The following ABLIM1 variants were observed in gnomAD, a reference collection of about 807,000 sequenced individuals.
The protein encoded by ABLIM1 is actin-binding LIM protein 1.
A neutral mutation model predicts 107.0 loss-of-function variants in ABLIM1; 40 were observed. That is an observed-to-expected ratio of 0.37 (90% confidence interval 0.29 to 0.49). The LOEUF is 0.49. Ranked by LOEUF, ABLIM1 falls within the 20% of genes least tolerant of loss-of-function variation. The pLI is 0.97. For synonymous variants in ABLIM1, 357 were observed against 357.3 expected, an observed-to-expected ratio of 1.00 and a Z score of 0.01; for missense variants, 857 against 1,008.5, an observed-to-expected ratio of 0.85 and a Z score of 2.04.
intron 1 of ABLIM1, among the ~76,000 whole-genome samples, chr10:114,701,622 G>A (rs1001759744): frequency 2.0e-5 from 3 of 152,092 alleles, no homozygotes; most frequent in Admixed American, 6.6e-5. Flanking sequence ...CAAAATGGAG[G>A]CATCACACAG....
At chr10:114,454,987 T>G (rs1161498435) in intron 12 of ABLIM1, among the ~76,000 whole-genome samples, 3 of 152,242 alleles carry the variant, frequency 2.0e-5, no homozygotes, top group Admixed American at 6.5e-5. Flanking sequence ...TATTTATCTA[T>G]TAACACTAAT....
the ABLIM1 span, among the ~76,000 whole-genome samples, chr10:114,782,573 C>T: frequency 6.6e-6 from 1 of 152,192 alleles, no homozygotes; most frequent in East Asian, 1.9e-4. Flanking sequence ...AAGCAGAGAC[C>T]AGTTCGAAAA....
At chr10:114,439,607 A>G (rs571593345) in intron 20 of ABLIM1, 1 of 386,980 alleles carries the variant, frequency 2.6e-6, no homozygotes, top group South Asian at 2.9e-5. Context: ...CTTATTCTCC[A>G]TCACATTTCT....
chr10:114,694,404 G>A (rs1456355166), intron 1 of ABLIM1, among the ~76,000 whole-genome samples: 1 of 152,110 alleles, frequency 6.6e-6, no homozygotes, highest in Non-Finnish European at 1.5e-5. Flanking sequence ...AACCTAAAGG[G>A]GCATAACAAA....
chr10:114,662,147 T>C (rs2079822327), upstream of ABLIM1, among the ~76,000 whole-genome samples: 2 of 152,318 alleles, frequency 1.3e-5, no homozygotes, highest in South Asian at 4.1e-4. Flanking sequence ...CACCTTACGA[T>C]GCCAATATTT....
At chr10:114,655,891 GC>G (rs2079487147) in intron 1 of ABLIM1, among the ~76,000 whole-genome samples, 1 of 152,208 alleles carries the variant, frequency 6.6e-6, no homozygotes, top group Non-Finnish European at 1.5e-5. Context: ...GCACTGATCT[GC>G]TTGTCAGCCC....
chr10:114,531,943 T>A (rs1301095555), intron 6 of ABLIM1, among the ~76,000 whole-genome samples: 1 of 152,144 alleles, frequency 6.6e-6, no homozygotes, highest in Non-Finnish European at 1.5e-5. Flanking sequence ...GCCTCCTGAG[T>A]AGCTAGGATT....
chr10:114,484,752 TCTC>T (rs1490761808), intron 8 of ABLIM1, among the ~76,000 whole-genome samples: 2 of 152,046 alleles, frequency 1.3e-5, no homozygotes, highest in East Asian at 3.9e-4. Context: ...ACACTTCACA[TCTC>T]CTCATCAGGT....
chr10:114,625,368 G>A (rs533812842), intron 1 of ABLIM1, among the ~76,000 whole-genome samples: 1 of 152,290 alleles, frequency 6.6e-6, no homozygotes, highest in South Asian at 2.1e-4. Context: ...GCATCTGAGT[G>A]GGTGGTGTCT....
chr10:114,751,748 CAAAA>C (rs34322728), intron 1 of ABLIM1, among the ~76,000 whole-genome samples: 1 of 118,324 alleles, frequency 8.5e-6, no homozygotes, highest in Admixed American at 8.9e-5. Flanking sequence ...GACTCTGTCT[CAAAA>C]AAAAAAAAAA....
rs2138744219 is a variant in ABLIM1, at chr10:114,431,783, G to C, written c.*4477C>G. ...TCAATTACACTAAGCTTCAGAAATT[G>C]TTGGATTTGTTTAATTTTGCTGTGT... On this transcript the variant is annotated 3_prime_UTR_variant, in exon 23 of 23. Transcript: ENST00000533213. 1 of 152,266 alleles carries C rather than the reference G, an allele frequency of 6.6e-6. No homozygotes were observed. Among genetic ancestry groups the C allele is most frequent in the African/African-American group, 2.4e-5 (1 of 41,554 alleles). 9.4% of individuals were successfully genotyped at this position (152,266 alleles called of 1,614,324 possible). A position where few individuals can be genotyped will look rare whatever the true frequency, so the allele number is the denominator to read the frequency against.
At chr10:114,775,913 A>T in the ABLIM1 span, 1 of 152,220 alleles carries the variant, frequency 6.6e-6, no homozygotes, top group Non-Finnish European at 1.5e-5. Context: ...TCCTGATGGG[A>T]TTACATTAAC....
chr10:114,734,533 C>T (rs138443434), intron 1 of ABLIM1, among the ~76,000 whole-genome samples: 2 of 152,282 alleles, frequency 1.3e-5, no homozygotes, highest in African/African-American at 2.4e-5. Flanking sequence ...CCCCAATCCT[C>T]CTTCTCTGGA....
In ABLIM1 at chr10:114,630,889, T is replaced by A. The variant is rs77719648; in HGVS notation, c.244+27068A>T. 5.5e-3 allele frequency among the ~76,000 whole-genome samples: 842 copies of A among 152,200 alleles called. 10 individuals carry two copies. The highest frequency in any genetic ancestry group is 0.019 in the African/African-American group (791 of 41,532). On this transcript the variant is annotated intron_variant, in intron 1 of 22. Coordinates refer to ENST00000533213, the MANE Select transcript of ABLIM1 (RefSeq NM_002313.7). ...TCATTTGGTGAAGGTCCCTAAGACA[T>A]AATAAAAGAGAAAAAAATAAGTTAC...
rs78029350 is a variant in ABLIM1, at chr10:114,479,846, T to C, written c.1042-5890A>G. Among the ~76,000 whole-genome samples, 1,146 of 152,386 alleles carry C rather than the reference T, an allele frequency of 7.5e-3. 40 individuals are homozygous for C. In the East Asian group the frequency reaches 0.089, roughly 12 times the overall value. Reference sequence around the variant, plus strand: ...TGAAACATCTAGAATTCCAAACATGTTGAATTTCAAATTAACATCTTGTTT... The same window carrying C: ...TGAAACATCTAGAATTCCAAACATGCTGAATTTCAAATTAACATCTTGTTT... On this transcript the variant is annotated intron_variant, in intron 8 of 22. Transcript: ENST00000533213.
At chr10:114,676,843 C>T (rs2080507766) in intron 1 of ABLIM1, among the ~76,000 whole-genome samples, 1 of 152,204 alleles carries the variant, frequency 6.6e-6, no homozygotes, top group South Asian at 2.1e-4. Context: ...TCAAGCGATT[C>T]TCCTGCCTCA....
intron 6 of ABLIM1, among the ~76,000 whole-genome samples, chr10:114,501,498 C>T (rs2060418131): frequency 6.6e-6 from 1 of 152,174 alleles, no homozygotes; most frequent in Non-Finnish European, 1.5e-5. Context: ...TCATATTTCA[C>T]AGTTTGGCAA....
At chr10:114,762,223 T>A (rs1174470830) in intron 1 of ABLIM1, among the ~76,000 whole-genome samples, 1 of 151,964 alleles carries the variant, frequency 6.6e-6, no homozygotes, top group Non-Finnish European at 1.5e-5. Flanking sequence ...TTAGTAGAGA[T>A]GGGGTTTCAC....
upstream of ABLIM1, among the ~76,000 whole-genome samples, chr10:114,659,988 A>T (rs2079717141): frequency 1.3e-5 from 2 of 152,228 alleles, no homozygotes; most frequent in Non-Finnish European, 2.9e-5. Context: ...GAACCTGAGA[A>T]TTCCAATTTG....
Sources: allele counts gnomAD v4.1 joint callset (sites outside exome capture counted in the v4.1 genomes callset), GRCh38; gene constraint gnomAD v4.1.1; transcripts MANE v1.5; gene names NCBI Gene and HGNC (gene_info 2026-07-23, HGNC 2026-07-21).